Variants in GLT1D1 observed in about 807,000 individuals in gnomAD.
GLT1D1 encodes glycosyltransferase 1 domain-containing protein 1.
In GLT1D1, 21 loss-of-function variants were observed where a neutral mutation model predicts 28.7. The observed-to-expected ratio is 0.73, with a 90% confidence interval of 0.52 to 1.05. The LOEUF (loss-of-function observed/expected upper bound fraction) is 1.05. Among genes scored for constraint, GLT1D1 ranks in the 50% least tolerant of loss-of-function variants. The pLI is 0.00. For missense variants in GLT1D1, 343 were observed against 330.6 expected, an observed-to-expected ratio of 1.04 and a Z score of -0.29; for synonymous variants, 147 against 124.8, an observed-to-expected ratio of 1.18 and a Z score of -1.19.
intron 3 of GLT1D1, among the ~76,000 whole-genome samples, chr12:128,891,903 G>A (rs1020572904): frequency 1.3e-5 from 2 of 152,136 alleles, no homozygotes; most frequent in East Asian, 1.9e-4. Context: ...CTGATGACAC[G>A]TGCCCAAGGT....
intron 1 of GLT1D1, among the ~76,000 whole-genome samples, chr12:128,867,478 G>A (rs1314556858): frequency 6.6e-6 from 1 of 151,320 alleles, no homozygotes; most frequent in African/African-American, 2.4e-5. Flanking sequence ...AGGGATTTGT[G>A]CATGTTTTGT....
chr12:128,903,287 G>A (rs748503412), intron 4 of GLT1D1, among the ~76,000 whole-genome samples: 10 of 151,694 alleles, frequency 6.6e-5, no homozygotes, highest in Admixed American at 1.3e-4. Flanking sequence ...CCTGAGGCCT[G>A]TCTCCATGGG....
chr12:128,882,155 A>G (rs974118582), intron 2 of GLT1D1, among the ~76,000 whole-genome samples: 6 of 152,200 alleles, frequency 3.9e-5, no homozygotes, highest in Admixed American at 3.3e-4. Flanking sequence ...TTTCTGTTTA[A>G]AATTAGTATT....
intron 1 of GLT1D1, among the ~76,000 whole-genome samples, chr12:128,857,519 A>G (rs1566076874): frequency 6.6e-6 from 1 of 151,988 alleles, no homozygotes; most frequent in Non-Finnish European, 1.5e-5. Flanking sequence ...GCCTTGTGAA[A>G]GCTTAGTCTC....
intron 7 of GLT1D1, among the ~76,000 whole-genome samples, chr12:128,977,795 T>TGA (rs1879921818): frequency 5.4e-5 from 7 of 130,714 alleles, no homozygotes; most frequent in South Asian, 4.7e-4. Context: ...TTTTTTTTTT[T>TGA]GAAACAGAGT....
chr12:128,947,403 G>A lies in GLT1D1; in HGVS notation c.485G>A (p.Cys162Tyr). The stretch of plus-strand genomic sequence containing the variant: ...GATCTGCACGCGGTGGTGAAGAATT[G>A]CTTCGCGGTGGTGAATAGCTCTGTC... Residue 162 changes from cysteine (C) to tyrosine (Y), a missense_variant, in exon 6 of 8, where the codon TGC becomes TAC. Coordinates refer to ENST00000281703, the MANE Select transcript of GLT1D1 (RefSeq NM_144669.3). 13 of 1,614,110 alleles carry A rather than the reference G, an allele frequency of 8.1e-6. No individual in the cohort carries two copies. Among genetic ancestry groups the A allele is most frequent in the Non-Finnish European group, 1.1e-5 (13 of 1,180,002 alleles).
At chr12:128,896,575 CT>C (rs60875245) in intron 3 of GLT1D1, among the ~76,000 whole-genome samples, 2,110 of 105,120 alleles carry the variant, frequency 0.02, 24 homozygotes, top group African/African-American at 0.065. Flanking sequence ...ATGACACATA[CT>C]TTTTTTTTTT....
At chr12:128,907,940 T>C (rs555548707) in intron 4 of GLT1D1, among the ~76,000 whole-genome samples, 96 of 152,354 alleles carry the variant, frequency 6.3e-4, no homozygotes, top group African/African-American at 2.3e-3. Flanking sequence ...GTTTACTCCA[T>C]ACATTTAATT....
intron 4 of GLT1D1, among the ~76,000 whole-genome samples, chr12:128,939,988 A>G (rs1303497349): frequency 2.6e-5 from 4 of 151,766 alleles, no homozygotes; most frequent in African/African-American, 9.7e-5. Context: ...ATATATGTAC[A>G]CACATATGTG....
chr12:128,928,241 T>C (rs908997808), intron 4 of GLT1D1, among the ~76,000 whole-genome samples: 7 of 152,054 alleles, frequency 4.6e-5, no homozygotes, highest in Admixed American at 3.9e-4. Context: ...GGAGCCTTGT[T>C]GTGTGGAAAA....
intron 4 of GLT1D1, chr12:128,907,017 C>G: frequency 1.4e-6 from 1 of 699,418 alleles, no homozygotes; most frequent in Non-Finnish European, 2.6e-6. Flanking sequence ...TGCGTGTCTC[C>G]TTATCCCTAA....
intron 4 of GLT1D1, among the ~76,000 whole-genome samples, chr12:128,903,284 C>A (rs779174316): frequency 6.6e-6 from 1 of 151,698 alleles, no homozygotes; most frequent in Non-Finnish European, 1.5e-5. Flanking sequence ...ACCCCTGAGG[C>A]CTGTCTCCAT....
Position 128,875,911 on chromosome 12 carries a change from A to C in GLT1D1, c.69-3A>C. ...TCTCCTTTCTCTGTATTTTTTGATA[A>C]AGGGCCCATCTAGAGGCTGCAGGGC... On this transcript the variant is annotated splice_region_variant and splice_polypyrimidine_tract_variant and intron_variant, in intron 1 of 7. Coordinates refer to ENST00000281703, the MANE Select transcript of GLT1D1 (RefSeq NM_144669.3). 1.9e-6 allele frequency: 3 copies of C among 1,610,104 alleles called. No homozygotes were observed. Among genetic ancestry groups the C allele is most frequent in the Non-Finnish European group, 8.5e-7 (1 of 1,178,870 alleles).
chr12:128,910,275 T>G (rs992077827), intron 4 of GLT1D1, among the ~76,000 whole-genome samples: 84 of 151,826 alleles, frequency 5.5e-4, no homozygotes, highest in East Asian at 5.8e-4. Flanking sequence ...TTTTTTTTTT[T>G]TTTTTTTTTT....
At chr12:128,926,394 CT>C (rs1411700114) in intron 4 of GLT1D1, 2 of 1,531,422 alleles carry the variant, frequency 1.3e-6, no homozygotes, top group Non-Finnish European at 1.7e-6. Context: ...GCACATATTT[CT>C]TCTGATATGT....
chr12:128,899,281 G>A lies in GLT1D1; in HGVS notation c.369G>A (p.Ala123=), dbSNP rs141096725. ...AGTCAATGAAGGAAATGGCACAAGCGCAGTGGGTATGTGTTTATCTGGTGT... is the reference window on the plus strand; with the variant it reads ...AGTCAATGAAGGAAATGGCACAAGCACAGTGGGTATGTGTTTATCTGGTGT... The change falls in exon 4 of 8, where the codon GCG becomes GCA. Residue 123 remains alanine (A), a synonymous_variant. Coordinates refer to ENST00000281703, the MANE Select transcript of GLT1D1 (RefSeq NM_144669.3). 9.0e-4 allele frequency: 1,459 copies of A among 1,612,988 alleles called. 4 individuals carry two copies. Among genetic ancestry groups the A allele is most frequent in the Non-Finnish European group, 7.1e-4 (834 of 1,179,006 alleles).
chr12:128,893,090 C>T (rs1434657651), intron 3 of GLT1D1, among the ~76,000 whole-genome samples: 1 of 151,974 alleles, frequency 6.6e-6, no homozygotes, highest in East Asian at 1.9e-4. Flanking sequence ...ACTAAAAATA[C>T]AAAAATTAGC....
chr12:128,887,494 TACACACACAC>T (rs58713965), intron 2 of GLT1D1, among the ~76,000 whole-genome samples: 6 of 145,580 alleles, frequency 4.1e-5, no homozygotes, highest in East Asian at 4.0e-4. Context: ...TCTATGTGAG[TACACACACAC>T]ACACACACAC....
intron 7 of GLT1D1, among the ~76,000 whole-genome samples, chr12:128,972,134 C>T (rs528107935): frequency 5.3e-5 from 8 of 152,168 alleles, no homozygotes; most frequent in African/African-American, 1.7e-4. Flanking sequence ...AGCCATGAGA[C>T]GACCAGGGTG....
Sources: gnomAD v4.1 joint callset for allele counts (sites outside exome capture counted in the v4.1 genomes callset) on GRCh38, gnomAD v4.1.1 for gene constraint, MANE v1.5 for transcripts, NCBI Gene and HGNC (gene_info 2026-07-23, HGNC 2026-07-21) for gene names.